The following SPIDR variants were observed in gnomAD, a reference collection of about 807,000 sequenced individuals.
SPIDR encodes the protein DNA repair-scaffolding protein.
A neutral mutation model predicts 104.6 loss-of-function variants in SPIDR; 93 were observed. That is an observed-to-expected ratio of 0.89 (90% CI 0.75 to 1.06). The LOEUF (loss-of-function observed/expected upper bound fraction) is 1.06, where lower values mean the gene tolerates loss of function less well. Among genes scored for constraint, SPIDR ranks in the 50% least tolerant of loss-of-function variants. The pLI is 0.00. For missense variants in SPIDR, 1,154 were observed against 1,111.2 expected (o/e 1.04, Z -0.55); for synonymous variants, 431 against 416.9 (o/e 1.03, Z -0.41).
rs1199465352 is a variant in SPIDR, at chr8:47,291,156, G to A, written c.361+19G>A. On this transcript the variant is annotated intron_variant, in intron 4 of 19. Coordinates refer to ENST00000297423, the MANE Select transcript of SPIDR (RefSeq NM_001080394.4). Reference sequence around the variant, plus strand: ...CAGAGAGGTAATGGACATTGCTCTAGAATAGACAGATTTTGTAACAGGAAC... The same window carrying A: ...CAGAGAGGTAATGGACATTGCTCTAAAATAGACAGATTTTGTAACAGGAAC... 2.0e-6 allele frequency: 3 copies of A among 1,519,630 alleles called. No individual in the cohort carries two copies. The highest frequency in any genetic ancestry group is 1.4e-5 in the African/African-American group (1 of 73,186). The allele number at this position is 1,519,630 out of a possible 1,614,324, so 94.1% of individuals were successfully genotyped here.
intron 10 of SPIDR, among the ~76,000 whole-genome samples, chr8:47,652,771 A>T (rs2071906786): frequency 6.6e-6 from 1 of 152,204 alleles, no homozygotes; most frequent in East Asian, 1.9e-4. Flanking sequence ...TGGTAGGGTC[A>T]GAGCAGGTAG....
At chr8:47,532,415 A>T (rs984026864) in intron 8 of SPIDR, among the ~76,000 whole-genome samples, 1 of 152,228 alleles carries the variant, frequency 6.6e-6, no homozygotes, top group Non-Finnish European at 1.5e-5. Flanking sequence ...AGTTGCCTAT[A>T]AGAACCTCAT....
Position 47,509,053 on chromosome 8 carries a change from A to T in SPIDR, c.1097+68511A>T, listed in dbSNP as rs553510271. Among the ~76,000 whole-genome samples, 188 of 152,224 alleles carry T rather than the reference A, an allele frequency of 1.2e-3. 1 individual carries two copies. Among genetic ancestry groups the T allele is most frequent in the Admixed American group, 3.9e-4 (6 of 15,290 alleles). ...GCGGCTATTGAGGCTGTCGTGCTGGATCCCTCTAGGCCTCTGTCACCTGCC... is the reference window on the plus strand; with the variant it reads ...GCGGCTATTGAGGCTGTCGTGCTGGTTCCCTCTAGGCCTCTGTCACCTGCC... On this transcript the variant is annotated intron_variant, in intron 8 of 19. Transcript: ENST00000297423.
At chr8:47,692,802 T>G (rs2078857652) in intron 11 of SPIDR, among the ~76,000 whole-genome samples, 1 of 152,186 alleles carries the variant, frequency 6.6e-6, no homozygotes, top group South Asian at 2.1e-4. Flanking sequence ...ATACATCAAA[T>G]TTATTTATCC....
At chr8:47,391,929 G>C (rs1302359085) in intron 5 of SPIDR, among the ~76,000 whole-genome samples, 11 of 149,196 alleles carry the variant, frequency 7.4e-5, no homozygotes, top group Non-Finnish European at 1.5e-4. Flanking sequence ...CTGGGAGGCG[G>C]AGCTTGCAGT....
intron 8 of SPIDR, among the ~76,000 whole-genome samples, chr8:47,539,266 A>G (rs2154388848): frequency 6.6e-6 from 1 of 152,248 alleles, no homozygotes; most frequent in Non-Finnish European, 1.5e-5. Context: ...AAATGTATTA[A>G]GATTTTATAT....
At chr8:47,276,924 GC>G (rs1276653438) in intron 1 of SPIDR, 6 of 146,674 alleles carry the variant, frequency 4.1e-5, no homozygotes, top group African/African-American at 1.5e-4. Context: ...TTCTTCCTCA[GC>G]CTTTTTTTTT....
chr8:47,355,271 T>TAAAAAAAA (rs34902790), intron 5 of SPIDR, among the ~76,000 whole-genome samples: 3 of 116,568 alleles, frequency 2.6e-5, no homozygotes, highest in African/African-American at 9.9e-5. Context: ...AGGTTTTTTG[T>TAAAAAAAA]AAAAAAAAAA....
intron 7 of SPIDR, among the ~76,000 whole-genome samples, chr8:47,413,580 C>T (rs2063818659): frequency 6.6e-6 from 1 of 152,216 alleles, no homozygotes; most frequent in African/African-American, 2.4e-5. Flanking sequence ...GTTATTATAG[C>T]ATTGACAAAT....
intron 10 of SPIDR, among the ~76,000 whole-genome samples, chr8:47,635,172 C>G (rs563476130): frequency 6.6e-6 from 1 of 151,078 alleles, no homozygotes; most frequent in South Asian, 2.1e-4. Flanking sequence ...CCTGTCTCTA[C>G]TTAAAAAAAA....
At chr8:47,270,357 A>G (rs1694299845) in intron 1 of SPIDR, among the ~76,000 whole-genome samples, 4 of 151,990 alleles carry the variant, frequency 2.6e-5, no homozygotes, top group African/African-American at 9.7e-5. Context: ...CGGTTTTGCT[A>G]GTTTGTCTTT....
intron 8 of SPIDR, among the ~76,000 whole-genome samples, chr8:47,459,281 C>T (rs2073539961): frequency 2.0e-5 from 3 of 151,726 alleles, no homozygotes; most frequent in Non-Finnish European, 4.4e-5. Context: ...AGTTTTTTTT[C>T]TTGGTAATTC....
chr8:47,331,571 G>C lies in SPIDR; in HGVS notation c.525+37541G>C, dbSNP rs143594353. Among the ~76,000 whole-genome samples, 226 of 152,278 alleles carry C rather than the reference G, an allele frequency of 1.5e-3. 5 individuals are homozygous for C. In the East Asian group the frequency reaches 0.031, roughly 21 times the overall value. ...TACCATGAATGGAGCTTGTAGAACT[G>C]AAAGGTGCTCTGGGTGAGTCAGTGA... On this transcript the variant is annotated intron_variant, in intron 5 of 19. Coordinates refer to ENST00000297423, the MANE Select transcript of SPIDR (RefSeq NM_001080394.4).
In SPIDR at chr8:47,713,451, T is replaced by G. The variant is rs754448668; in HGVS notation, c.2189-38T>G. ...CATTATGGGCACAATTCACTTTTTC[T>G]TCAAGGCTTCAATAACCTGAAGTGT... is the stretch of plus-strand genomic sequence containing the variant. On this transcript the variant is annotated intron_variant, in intron 15 of 19. Coordinates refer to ENST00000297423, the MANE Select transcript of SPIDR (RefSeq NM_001080394.4). The G allele has an allele frequency of 3.2e-5, 51 of 1,612,260 alleles. No individual in the cohort carries two copies. The Admixed American group carries it at 6.3e-4, about 20-fold the overall frequency.
At chr8:47,281,022 A>C (rs2037673194) in intron 2 of SPIDR, among the ~76,000 whole-genome samples, 2 of 152,270 alleles carry the variant, frequency 1.3e-5, no homozygotes, top group Non-Finnish European at 1.5e-5. Flanking sequence ...CCAACACAAT[A>C]AAGTGAATAT....
chr8:47,611,183 G>T (rs1015451820), intron 10 of SPIDR, among the ~76,000 whole-genome samples: 2 of 152,192 alleles, frequency 1.3e-5, no homozygotes, highest in Admixed American at 1.3e-4. Context: ...TGTCTAAGGA[G>T]ATTGATGAGA....
chr8:47,536,219 C>A (rs2086889873), intron 8 of SPIDR, among the ~76,000 whole-genome samples: 1 of 151,958 alleles, frequency 6.6e-6, no homozygotes, highest in Non-Finnish European at 1.5e-5. Flanking sequence ...CAGTTCTTCC[C>A]AACTTGATTT....
chr8:47,530,882 C>T (rs1404263712), intron 8 of SPIDR, among the ~76,000 whole-genome samples: 1 of 151,818 alleles, frequency 6.6e-6, no homozygotes, highest in Non-Finnish European at 1.5e-5. Flanking sequence ...TTTTATATCC[C>T]TATTCTAAAA....
intron 10 of SPIDR, among the ~76,000 whole-genome samples, chr8:47,657,407 G>A (rs1307847053): frequency 1.3e-5 from 2 of 152,144 alleles, no homozygotes. Context: ...AGTCATGAGG[G>A]TTGGGAGATG....
Sources: gnomAD v4.1 joint callset for allele counts (sites outside exome capture counted in the v4.1 genomes callset) on GRCh38, gnomAD v4.1.1 for gene constraint, MANE v1.5 for transcripts, NCBI Gene and HGNC (gene_info 2026-07-23, HGNC 2026-07-21) for gene names.